ELP4: variants seen among roughly 807,000 people sequenced by gnomAD.
ELP4 encodes the protein elongator acetyltransferase complex subunit 4.
In ELP4, 51 loss-of-function variants were observed where a neutral mutation model predicts 48.9. The observed-to-expected ratio is 1.04, with a 90% CI of 0.83 to 1.32. The LOEUF is 1.32. Ranked by LOEUF, ELP4 falls within the 40% of genes most tolerant of loss-of-function variation. The pLI, the probability that ELP4 is intolerant of heterozygous loss-of-function variation, is 0.00. For missense variants in ELP4, 519 were observed against 514.6 expected (o/e 1.01, Z -0.08); for synonymous variants, 210 against 189.2 (o/e 1.11, Z -0.90).
chr11:31,612,253 G>A (rs1957995184), intron 5 of ELP4, among the ~76,000 whole-genome samples: 1 of 152,176 alleles, frequency 6.6e-6, no homozygotes, highest in Non-Finnish European at 1.5e-5. Context: ...GAAAGCAGCA[G>A]TTTCTGAAGA....
Position 31,785,977 on chromosome 11 carries a change from T to C in ELP4, c.*2453T>C, listed in dbSNP as rs1337752043. The C allele has an allele frequency of 5.0e-6, 1 of 200,626 alleles. No homozygotes were observed. Among genetic ancestry groups the C allele is most frequent in the Non-Finnish European group, 1.0e-5 (1 of 97,274 alleles). 12.4% of individuals were successfully genotyped at this position (200,626 alleles called of 1,614,324 possible). ...TGAACTTCAAAACCCTATATGGTAC[T>C]CATTTCTTACACTAGATTTGCCTTT... On this transcript the variant is annotated 3_prime_UTR_variant, in exon 10 of 10. Coordinates refer to ENST00000640961, the MANE Select transcript of ELP4 (RefSeq NM_019040.5).
At chr11:31,564,457 G>T (rs1437940239) in intron 3 of ELP4, among the ~76,000 whole-genome samples, 1 of 151,164 alleles carries the variant, frequency 6.6e-6, no homozygotes, top group Non-Finnish European at 1.5e-5. Flanking sequence ...ATATACATGT[G>T]CCATGTTGGT....
chr11:31,699,014 A>T (rs1946467918), intron 9 of ELP4, among the ~76,000 whole-genome samples: 1 of 152,196 alleles, frequency 6.6e-6, no homozygotes, highest in Non-Finnish European at 1.5e-5. Flanking sequence ...ACACTCAAGC[A>T]CACACAACAA....
At chr11:31,591,380 T>A (rs1168904846) in intron 3 of ELP4, among the ~76,000 whole-genome samples, 3 of 111,352 alleles carry the variant, frequency 2.7e-5, no homozygotes, top group South Asian at 6.5e-4. Context: ...CACTCCAGCC[T>A]GGGTGACAGA....
intron 3 of ELP4, among the ~76,000 whole-genome samples, chr11:31,575,451 T>C (rs1366543025): frequency 6.6e-6 from 1 of 152,040 alleles, no homozygotes; most frequent in Non-Finnish European, 1.5e-5. Flanking sequence ...GCCACAAAGA[T>C]ACTCCTCGAG....
rs188251930 is a variant in ELP4, at chr11:31,625,702, G to A, written c.654-1408G>A. On this transcript the variant is annotated intron_variant, in intron 5 of 9. Transcript: ENST00000640961. ...AGTGACATTCATCAGATCGTTGGCTGGAATTCATTTCATAATCTGAAAGCT... is the reference window on the plus strand; with the variant it reads ...AGTGACATTCATCAGATCGTTGGCTAGAATTCATTTCATAATCTGAAAGCT... Among the ~76,000 whole-genome samples the A allele has an allele frequency of 9.8e-4, 149 of 151,842 alleles. No homozygotes were observed. The Middle Eastern group carries it at 0.017, about 17-fold the overall frequency.
At chr11:31,630,097 T>TG (rs1417827713) in intron 6 of ELP4, among the ~76,000 whole-genome samples, 4 of 151,920 alleles carry the variant, frequency 2.6e-5, no homozygotes, top group Admixed American at 6.6e-5. Context: ...ACATAGGGTG[T>TG]CTTAGGTGGT....
intron 5 of ELP4, among the ~76,000 whole-genome samples, chr11:31,604,829 A>T (rs1022115117): frequency 2.0e-5 from 3 of 151,948 alleles, no homozygotes; most frequent in Non-Finnish European, 2.9e-5. Context: ...CTATGGATAG[A>T]GACTTAGCAA....
At chr11:31,516,673 G>A (rs2133872931) in intron 1 of ELP4, among the ~76,000 whole-genome samples, 2 of 152,222 alleles carry the variant, frequency 1.3e-5, no homozygotes, top group South Asian at 4.2e-4. Context: ...TGTATTTTTT[G>A]TAGAGATGGA....
intron 7 of ELP4, 172 bp downstream of exon 7, chr11:31,632,577 C>T: frequency 2.1e-6 from 1 of 470,050 alleles, no homozygotes; most frequent in Non-Finnish European, 3.7e-6. Flanking sequence ...TATTGATAGT[C>T]TCATTATCAA....
At chr11:31,750,219 T>G (rs2134237151) in intron 9 of ELP4, among the ~76,000 whole-genome samples, 1 of 152,140 alleles carries the variant, frequency 6.6e-6, no homozygotes, top group Non-Finnish European at 1.5e-5. Flanking sequence ...TGCTTGGTAG[T>G]TATTCTTCCA....
chr11:31,594,980 A>G, intron 4 of ELP4, 79 bp downstream of exon 4: 2 of 1,173,076 alleles, frequency 1.7e-6, no homozygotes, highest in South Asian at 1.6e-5. Context: ...TGGTATGCCT[A>G]TATGTGTATT....
At chr11:31,615,472 C>G (rs1958059891) in intron 5 of ELP4, among the ~76,000 whole-genome samples, 1 of 151,820 alleles carries the variant, frequency 6.6e-6, no homozygotes, top group Non-Finnish European at 1.5e-5. Context: ...GTTATTATTT[C>G]TGTTTATATT....
chr11:31,552,392 C>T (rs1430257590), intron 3 of ELP4, among the ~76,000 whole-genome samples: 2 of 152,102 alleles, frequency 1.3e-5, no homozygotes, highest in East Asian at 3.9e-4. Context: ...GTACATCTAA[C>T]TCCTGCAATT....
intron 9 of ELP4, among the ~76,000 whole-genome samples, chr11:31,731,125 AGAGAGGT>A (rs1285725363): frequency 1.3e-5 from 2 of 152,308 alleles, no homozygotes; most frequent in East Asian, 3.9e-4. Flanking sequence ...GAAAAAACTG[AGAGAGGT>A]GGTTACTTTG....
chr11:31,771,481 A>T (rs1948140905), intron 9 of ELP4, among the ~76,000 whole-genome samples: 1 of 152,142 alleles, frequency 6.6e-6, no homozygotes, highest in African/African-American at 2.4e-5. Flanking sequence ...CACTTACTAC[A>T]CTTTAGAAAC....
intron 3 of ELP4, among the ~76,000 whole-genome samples, chr11:31,576,759 A>T (rs182573613): frequency 5.4e-4 from 82 of 152,318 alleles, no homozygotes; most frequent in African/African-American, 1.9e-3. Flanking sequence ...CAAAGACACA[A>T]CATACCAGAA....
In ELP4 at chr11:31,784,424, A is replaced by G. The variant is rs1948451358; in HGVS notation, c.*900A>G. 6.6e-6 allele frequency: 1 copy of G among 152,180 alleles called. No individual in the cohort carries two copies. Among genetic ancestry groups the G allele is most frequent in the African/African-American group, 2.4e-5 (1 of 41,468 alleles). 9.4% of individuals were successfully genotyped at this position (152,180 alleles called of 1,614,324 possible). Reference sequence around the variant, plus strand: ...AACATGTCTTTGGGGGGTATAGCATATCGAACCAGTTTTCATATGAAACAT... The same window carrying G: ...AACATGTCTTTGGGGGGTATAGCATGTCGAACCAGTTTTCATATGAAACAT... On this transcript the variant is annotated 3_prime_UTR_variant, in exon 10 of 10. Transcript: ENST00000640961.
intron 9 of ELP4, among the ~76,000 whole-genome samples, chr11:31,659,964 C>T (rs571809825): frequency 1.3e-5 from 2 of 152,208 alleles, no homozygotes; most frequent in African/African-American, 4.8e-5. Context: ...TGCACTCCAG[C>T]CTGGGCAACA....
Sources: allele counts gnomAD v4.1 joint callset (sites outside exome capture counted in the v4.1 genomes callset), GRCh38; gene constraint gnomAD v4.1.1; transcripts MANE v1.5; gene names NCBI Gene and HGNC (gene_info 2026-07-23, HGNC 2026-07-21).